The following PDXDC1 variants were observed in gnomAD, a reference collection of about 807,000 sequenced individuals.
The protein encoded by PDXDC1 is pyridoxal dependent decarboxylase domain containing 1, also known as pyridoxal-dependent decarboxylase domain-containing protein 1.
PDXDC1 carries 42 observed loss-of-function variants against 100.1 expected under a neutral mutation model. The ratio of observed to expected loss-of-function variants is 0.42; its 90% CI spans 0.33 to 0.54. The LOEUF (loss-of-function observed/expected upper bound fraction) is 0.54, where lower values mean the gene tolerates loss of function less well. Among genes scored for constraint, PDXDC1 ranks in the 20% least tolerant of loss-of-function variants. The pLI is 0.10. For missense variants in PDXDC1, 636 were observed against 979.2 expected (o/e 0.65, Z 4.68); for synonymous variants, 260 against 371.7 (o/e 0.70, Z 3.46).
downstream of PDXDC1, among the ~76,000 whole-genome samples, chr16:15,038,924 T>C (rs890896681): frequency 2.0e-5 from 3 of 151,130 alleles, no homozygotes; most frequent in African/African-American, 7.2e-5. Flanking sequence ...GACGAGGGTG[T>C]TTTTTCCCAT....
intron 16 of PDXDC1, among the ~76,000 whole-genome samples, chr16:15,068,892 A>G (rs536586731): frequency 6.6e-6 from 1 of 152,354 alleles, no homozygotes; most frequent in Non-Finnish European, 1.5e-5. Flanking sequence ...CTTGTACTTA[A>G]GTATATTTTC....
chr16:15,043,047 T>A (rs145115224), downstream of PDXDC1, among the ~76,000 whole-genome samples: 10 of 152,134 alleles, frequency 6.6e-5, 1 homozygote, highest in Admixed American at 2.0e-4. Flanking sequence ...ATTACAGGCA[T>A]GCACCACCAT....
At chr16:15,134,103 G>A (rs774807475) in intron 16 of PDXDC1, 66 of 1,491,722 alleles carry the variant, frequency 4.4e-5, no homozygotes, top group Non-Finnish European at 5.6e-5. Context: ...GTGAGGGGGC[G>A]CAACCCTCTG....
At chr16:15,024,980 G>A (rs1342882719) in intron 13 of PDXDC1, among the ~76,000 whole-genome samples, 1 of 152,308 alleles carries the variant, frequency 6.6e-6, no homozygotes, top group Non-Finnish European at 1.5e-5. Context: ...AGCCCTGAAA[G>A]CCCAGTGCCA....
intron 16 of PDXDC1, among the ~76,000 whole-genome samples, chr16:15,088,604 A>G (rs1311501480): frequency 1.3e-5 from 2 of 151,704 alleles, no homozygotes; most frequent in African/African-American, 2.4e-5. Flanking sequence ...TCTGGGAAAG[A>G]AGGCAGGGGT....
chr16:15,012,509 G>A (rs538621569), intron 8 of PDXDC1, among the ~76,000 whole-genome samples: 1 of 152,406 alleles, frequency 6.6e-6, no homozygotes, highest in African/African-American at 2.4e-5. Flanking sequence ...TTAGTCATTA[G>A]TGAAATGCAA....
At chr16:15,028,600 A>G (rs540066534) in intron 14 of PDXDC1, among the ~76,000 whole-genome samples, 12 of 152,412 alleles carry the variant, frequency 7.9e-5, no homozygotes, top group African/African-American at 2.2e-4. Flanking sequence ...CTAGTTAGTA[A>G]CTTAAAACAA....
chr16:15,032,668 A>AAAAAAAAAAAAAAT (rs57542228), intron 17 of PDXDC1, 193 bp from the exon 18 acceptor site: 3 of 380,180 alleles, frequency 7.9e-6, no homozygotes, highest in Non-Finnish European at 9.2e-6. Flanking sequence ...AAAAAAAAAA[A>AAAAAAAAAAAAAAT]AGGCTTTCCT....
chr16:15,080,096 C>G, intron 16 of PDXDC1: 1 of 1,592,284 alleles, frequency 6.3e-7, no homozygotes, highest in East Asian at 2.2e-5. Flanking sequence ...ACGTAACATT[C>G]CTAAAGGAGA....
rs548380023 is a variant in PDXDC1 at position 14,997,550 on chromosome 16, AT to A, written c.22-202del. On this transcript the variant is annotated intron_variant, in intron 1 of 22. Coordinates refer to ENST00000396410, the MANE Select transcript of PDXDC1 (RefSeq NM_015027.4). ...TAAGACTCCAACTCAAAAAATAAAA[AT>A]AAAAACAGCGGCTTCCTCTAGGAAG... Among the ~76,000 whole-genome samples, 5 of 152,412 alleles carry A rather than the reference AT, an allele frequency of 3.3e-5. No homozygotes were observed. The South Asian group carries it at 1.0e-3, about 32-fold the overall frequency.
rs754783898 is a variant in PDXDC1 at position 15,036,042 on chromosome 16, C to T, written c.2134C>T (p.Arg712Ter). The T allele has an allele frequency of 3.7e-6, 6 of 1,613,842 alleles. No individual in the cohort carries two copies. The highest frequency in any genetic ancestry group is 2.2e-5 in the East Asian group (1 of 44,896). The change falls in exon 23 of 23, where the codon CGA becomes TGA. Residue 712 changes from arginine to a stop codon, truncating the protein, a stop_gained. Transcript: ENST00000396410. LOFTEE classifies it low-confidence loss of function (END_TRUNC). ...CCAGAAGCCTTTTAAAAGGTCCCTG[C>T]GAGGTTCAGATGCTTTGAGTGAGAC... ...PGQKPFKRSLRGSDALSETSS... is the reference protein window; with the variant it reads ...PGQKPFKRSL
downstream of PDXDC1, among the ~76,000 whole-genome samples, chr16:15,140,477 C>T (rs966812159): frequency 1.2e-4 from 17 of 147,010 alleles, no homozygotes; most frequent in East Asian, 2.4e-3. Context: ...AGAAAAAGGA[C>T]GGAGGGCGAG....
chr16:15,135,724 C>G, intron 16 of PDXDC1: 1 of 1,595,696 alleles, frequency 6.3e-7, no homozygotes, highest in East Asian at 2.2e-5. Flanking sequence ...GGTCGTAGGA[C>G]TCGCTCCCAT....
Position 15,085,589 on chromosome 16 carries a change from A to G in PDXDC1, c.1400-53290A>G, listed in dbSNP as rs368763289. 2.2e-4 allele frequency: 355 copies of G among 1,596,136 alleles called. 1 individual carries two copies. Among genetic ancestry groups the G allele is most frequent in the Non-Finnish European group, 2.6e-4 (306 of 1,169,324 alleles). ...CGTCTTGGCTTCCCAAAGTGCTGGG[A>G]TTATGGGTGAAAGCTACTGTGCCCA... On this transcript the variant is annotated intron_variant, in intron 16 of 16. Transcript: ENST00000535621.
intron 16 of PDXDC1, among the ~76,000 whole-genome samples, chr16:15,114,999 A>T (rs2047195350): frequency 6.9e-6 from 1 of 145,454 alleles, no homozygotes; most frequent in African/African-American, 2.6e-5. Context: ...GCAGTGGTGC[A>T]ATCTCGGCTC....
At chr16:15,003,466 T>C in intron 4 of PDXDC1, among the ~76,000 whole-genome samples, 1 of 152,208 alleles carries the variant, frequency 6.6e-6, no homozygotes, top group East Asian at 1.9e-4. Context: ...TCCGCCCGCC[T>C]TGGCCTCCCA....
downstream of PDXDC1, chr16:15,041,611 G>C: frequency 6.2e-7 from 1 of 1,601,148 alleles, no homozygotes; most frequent in South Asian, 1.1e-5. Context: ...TGGGGCAAAT[G>C]GCAGGACTTA....
chr16:15,044,340 G>T, intron 16 of PDXDC1: 2 of 1,604,678 alleles, frequency 1.2e-6, no homozygotes, highest in Non-Finnish European at 1.7e-6. Context: ...TTACTAAGAA[G>T]TTGATGAGTG....
intron 16 of PDXDC1, chr16:15,127,830 C>A (rs1202591990): frequency 5.8e-6 from 9 of 1,563,284 alleles, no homozygotes; most frequent in Middle Eastern, 4.6e-4. Context: ...GCCAGATGTG[C>A]TTGTCAAAGA....
Sources: allele counts gnomAD v4.1 joint callset (sites outside exome capture counted in the v4.1 genomes callset), GRCh38; gene constraint gnomAD v4.1.1; transcripts MANE v1.5; gene names NCBI Gene and HGNC (gene_info 2026-07-23, HGNC 2026-07-21).